TNR: variants seen among roughly 807,000 people sequenced by gnomAD.
TNR encodes tenascin R, also known as tenascin-R.
In TNR, 45 loss-of-function variants were observed where a neutral mutation model predicts 150.4. That is an observed-to-expected ratio of 0.30 (90% CI 0.24 to 0.38). The LOEUF (loss-of-function observed/expected upper bound fraction) is 0.38, where lower values mean the gene tolerates loss of function less well. Ranked by LOEUF, TNR falls within the 10% of genes least tolerant of loss-of-function variation. TNR has a pLI of 1.00. For missense variants in TNR, 1,544 were observed against 1,759.1 expected, an observed-to-expected ratio of 0.88 and a Z score of 2.19; for synonymous variants, 687 against 678.4, an observed-to-expected ratio of 1.01 and a Z score of -0.20.
intron 1 of TNR, among the ~76,000 whole-genome samples, chr1:175,624,124 A>G (rs1432370259): frequency 6.6e-6 from 1 of 152,246 alleles, no homozygotes; most frequent in African/African-American, 2.4e-5. Context: ...ATTCATTCAT[A>G]GAAAATCTTC....
chr1:175,715,814 C>T (rs1571782990), intron 1 of TNR, among the ~76,000 whole-genome samples: 2 of 152,336 alleles, frequency 1.3e-5, no homozygotes, highest in South Asian at 4.1e-4. Context: ...TTCCTCCTTC[C>T]TGCTACTGAA....
intron 1 of TNR, among the ~76,000 whole-genome samples, chr1:175,683,306 A>G (rs1036658268): frequency 6.6e-6 from 1 of 152,152 alleles, no homozygotes; most frequent in Non-Finnish European, 1.5e-5. Flanking sequence ...TAGAAAAATC[A>G]TATTTTTCTT....
chr1:175,645,939 TACAAA>T (rs1241833126), intron 1 of TNR, among the ~76,000 whole-genome samples: 4 of 152,196 alleles, frequency 2.6e-5, no homozygotes, highest in Non-Finnish European at 4.4e-5. Context: ...CGGTATTTTT[TACAAA>T]AGTCAGGAAA....
intron 2 of TNR, among the ~76,000 whole-genome samples, chr1:175,507,473 T>C (rs1659005503): frequency 6.6e-6 from 1 of 151,978 alleles, no homozygotes; most frequent in African/African-American, 2.4e-5. Context: ...CCTGACGGAG[T>C]CCCAGAGTCT....
At chr1:175,343,353 G>A (rs1167275867) in intron 18 of TNR, among the ~76,000 whole-genome samples, 1 of 152,136 alleles carries the variant, frequency 6.6e-6, no homozygotes, top group Non-Finnish European at 1.5e-5. Flanking sequence ...GGCCTGGAAT[G>A]CTCTTCTTTG....
intron 1 of TNR, among the ~76,000 whole-genome samples, chr1:175,643,886 C>G (rs16828534): frequency 0.033 from 4,951 of 152,220 alleles, 177 homozygotes; most frequent in African/African-American, 0.085. Flanking sequence ...TTGATGCATC[C>G]TGATTGTTTA....
chr1:175,656,141 AGTGTGTGTGTGTGTGTGTGTGT>A (rs575020723), intron 1 of TNR, among the ~76,000 whole-genome samples: 14 of 123,934 alleles, frequency 1.1e-4, no homozygotes, highest in East Asian at 7.3e-4. Flanking sequence ...GGAAGGTTGA[AGTGTGTGTGTGTGTGTGTGTGT>A]GTGTGTGTGT....
chr1:175,643,594 T>G (rs1664728700), intron 1 of TNR, among the ~76,000 whole-genome samples: 1 of 152,226 alleles, frequency 6.6e-6, no homozygotes, highest in East Asian at 1.9e-4. Context: ...ATGGTTTGTT[T>G]GAAGGATCTA....
chr1:175,337,721 T>G, intron 18 of TNR, 42 bp from the exon 19 acceptor site: 1 of 1,604,814 alleles, frequency 6.2e-7, no homozygotes, highest in Non-Finnish European at 8.5e-7. Context: ...ATTCTTTCTC[T>G]CACAGTGCAC....
intron 2 of TNR, among the ~76,000 whole-genome samples, chr1:175,451,124 A>T (rs1656289485): frequency 6.6e-6 from 1 of 152,018 alleles, no homozygotes; most frequent in Non-Finnish European, 1.5e-5. Context: ...AGGCCTGATA[A>T]TCTGGCCCAA....
Position 175,363,783 on chromosome 1 carries a change from C to T in TNR, c.2632G>A (p.Asp878Asn), listed in dbSNP as rs781329134. 4 of 1,613,702 alleles carry T rather than the reference C, an allele frequency of 2.5e-6. No individual in the cohort carries two copies. The African/African-American group carries it at 5.3e-5, about 22-fold the overall frequency. ...KDITISNVTK[D>N]SVMVSWSPPV... ...GGGCTCCAGGAGACCATCACTGAGT[C>T]CTTGGTCACATTGCTAATTGTGATG... Residue 878 changes from aspartate to asparagine, a missense_variant, in exon 13 of 23, where the codon GAC (aspartate) becomes AAC (asparagine). Asp to Asn is a conservative substitution (Grantham distance 23). Coordinates refer to ENST00000367674, the MANE Select transcript of TNR (RefSeq NM_003285.3).
At position 175,315,483 on chromosome 1, in the gene TNR, T is replaced by G. The variant is rs1389491340; in HGVS notation, c.*7874A>C. 6.6e-6 allele frequency: 1 copy of G among 152,204 alleles called. No individual in the cohort carries two copies. The highest frequency in any genetic ancestry group is 1.5e-5 in the Non-Finnish European group (1 of 68,018). The allele number at this position is 152,204 out of a possible 1,614,324, so 9.4% of individuals were successfully genotyped here. ...TCCAGTCTTTCTTTTAAGTAAGCGC[T>G]TTTTCAAGCTCATTGTAGCTACAAA... On this transcript the variant is annotated 3_prime_UTR_variant, in exon 23 of 23. Coordinates refer to ENST00000367674, the MANE Select transcript of TNR (RefSeq NM_003285.3).
At chr1:175,632,547 T>C (rs985538264) in intron 1 of TNR, among the ~76,000 whole-genome samples, 2 of 152,336 alleles carry the variant, frequency 1.3e-5, no homozygotes, top group East Asian at 1.9e-4. Context: ...GAATTAAGGA[T>C]TGACTTTTGG....
intron 11 of TNR, 29 bp downstream of exon 11, chr1:175,365,845 AC>A (rs1301848713): frequency 6.2e-7 from 1 of 1,602,494 alleles, no homozygotes; most frequent in Admixed American, 1.7e-5. Flanking sequence ...TGATCCCTGA[AC>A]CTGGCTGGGA....
intron 1 of TNR, among the ~76,000 whole-genome samples, chr1:175,552,568 C>A (rs1231574623): frequency 1.3e-5 from 2 of 152,172 alleles, no homozygotes; most frequent in Admixed American, 6.5e-5. Flanking sequence ...GTCACACAGC[C>A]TGGACTCCAA....
Position 175,366,518 on chromosome 1 carries a change from C to T in TNR, c.2054-380G>A, listed in dbSNP as rs566460092. Among the ~76,000 whole-genome samples the T allele has an allele frequency of 3.3e-5, 5 of 152,356 alleles. No individual in the cohort carries two copies. In the East Asian group the frequency reaches 9.7e-4, roughly 29 times the overall value. ...TATGCCATTCCTGGCAACAGAAGCG[C>T]ACCACCCTCCAACCCTGAGGCTATT... On this transcript the variant is annotated intron_variant, in intron 10 of 22. Transcript: ENST00000367674.
intron 1 of TNR, among the ~76,000 whole-genome samples, chr1:175,576,599 G>A: frequency 6.6e-6 from 1 of 152,122 alleles, no homozygotes; most frequent in East Asian, 1.9e-4. Context: ...TCACATAAAA[G>A]CATGATCTTT....
chr1:175,381,623 G>C (rs960575345), intron 8 of TNR, among the ~76,000 whole-genome samples: 1 of 152,214 alleles, frequency 6.6e-6, no homozygotes, highest in African/African-American at 2.4e-5. Flanking sequence ...GGGCACCCCT[G>C]TAGGTGGGAG....
intron 2 of TNR, among the ~76,000 whole-genome samples, chr1:175,502,533 C>T (rs139542561): frequency 1.5e-3 from 235 of 152,246 alleles, no homozygotes; most frequent in African/African-American, 5.4e-3. Context: ...TTGACTGAGG[C>T]CTCAGTTAAA....
Sources: gnomAD v4.1 joint callset for allele counts (sites outside exome capture counted in the v4.1 genomes callset) on GRCh38, gnomAD v4.1.1 for gene constraint, MANE v1.5 for transcripts, NCBI Gene and HGNC (gene_info 2026-07-23, HGNC 2026-07-21) for gene names.